Variants in TRAT1 observed in about 807,000 individuals in gnomAD.
TRAT1 encodes T cell receptor associated transmembrane adaptor 1.
TRAT1 carries 20 observed loss-of-function variants against 20.0 expected under a neutral mutation model. That is an observed-to-expected ratio of 1.00 (90% CI 0.70 to 1.45). The LOEUF (loss-of-function observed/expected upper bound fraction) is 1.45, where lower values mean the gene tolerates loss of function less well. Ranked by LOEUF, TRAT1 falls within the 40% of genes most tolerant of loss-of-function variation. TRAT1 has a pLI of 0.00. For missense variants in TRAT1, 237 were observed against 224.1 expected, an observed-to-expected ratio of 1.06 and a Z score of -0.37; for synonymous variants, 77 against 74.2, an observed-to-expected ratio of 1.04 and a Z score of -0.20.
intron 1 of TRAT1, among the ~76,000 whole-genome samples, chr3:108,830,106 A>G (rs1253337653): frequency 6.6e-6 from 1 of 152,090 alleles, no homozygotes; most frequent in African/African-American, 2.4e-5. Context: ...GGGAAAGAGA[A>G]GTGTAATTAA....
At chr3:108,842,867 A>G (rs1246287664) in intron 3 of TRAT1, among the ~76,000 whole-genome samples, 2 of 152,254 alleles carry the variant, frequency 1.3e-5, no homozygotes. Context: ...GCACGTGAAC[A>G]CTAATCAACA....
intron 3 of TRAT1, among the ~76,000 whole-genome samples, chr3:108,844,592 C>A (rs1164017796): frequency 6.6e-6 from 1 of 151,542 alleles, no homozygotes; most frequent in East Asian, 1.9e-4. Flanking sequence ...CGCCTATAAT[C>A]CCAGCACTTT....
chr3:108,849,840 T>C (rs963016542), intron 5 of TRAT1, among the ~76,000 whole-genome samples: 4 of 152,202 alleles, frequency 2.6e-5, no homozygotes, highest in African/African-American at 4.8e-5. Context: ...ATAGTTTCTC[T>C]TTTTCCTACC....
chr3:108,833,799 T>TACACACACAC (rs3054303), intron 2 of TRAT1, among the ~76,000 whole-genome samples: 5,496 of 146,688 alleles, frequency 0.037, 135 homozygotes, highest in Middle Eastern at 0.09. Flanking sequence ...TTGTAAGAAT[T>TACACACACAC]ACACACACAC....
Position 108,847,211 on chromosome 3 carries a change from A to G in TRAT1, c.214+82A>G, listed in dbSNP as rs1040149569. 2.5e-5 allele frequency: 20 copies of G among 801,502 alleles called. No homozygotes were observed. In the African/African-American group the frequency reaches 2.6e-4, roughly 10 times the overall value. The allele number at this position is 801,502 out of a possible 1,614,324, so 49.6% of individuals were successfully genotyped here. ...ATAATTTAAGTGGCGCTTTAAAAAA[A>G]TCAAATCACACTTAGCTATCCCAGT... On this transcript the variant is annotated intron_variant, in intron 4 of 5. Coordinates refer to ENST00000295756, the MANE Select transcript of TRAT1 (RefSeq NM_016388.4).
intron 1 of TRAT1, 38 bp from the exon 2 acceptor site, chr3:108,830,632 A>C: frequency 7.3e-7 from 1 of 1,360,770 alleles, no homozygotes; most frequent in South Asian, 1.2e-5. Flanking sequence ...ATGGGTAAGC[A>C]GCTGTTATAT....
At chr3:108,831,475 A>G (rs1298827038) in intron 2 of TRAT1, among the ~76,000 whole-genome samples, 1 of 151,864 alleles carries the variant, frequency 6.6e-6, no homozygotes, top group Non-Finnish European at 1.5e-5. Context: ...TGTTGAATCC[A>G]TTACATGTTG....
intron 2 of TRAT1, among the ~76,000 whole-genome samples, chr3:108,832,940 T>TATTC (rs967329437): frequency 2.0e-5 from 3 of 152,214 alleles, no homozygotes; most frequent in Admixed American, 2.0e-4. Context: ...GCCCCAGAAG[T>TATTC]ATTCAGCTGT....
chr3:108,850,306 C>CTTTT (rs35451422), intron 5 of TRAT1, among the ~76,000 whole-genome samples: 31 of 144,792 alleles, frequency 2.1e-4, no homozygotes, highest in Non-Finnish European at 2.7e-4. Flanking sequence ...AACTTTTAAA[C>CTTTT]TTTTTTTTTT....
intron 1 of TRAT1, among the ~76,000 whole-genome samples, chr3:108,827,374 GTATGTGTGT>G (rs1219784594): frequency 4.5e-5 from 5 of 110,874 alleles, no homozygotes; most frequent in African/African-American, 1.7e-4. Flanking sequence ...GAGGTATAAA[GTATGTGTGT>G]ATGTGTGTGT....
chr3:108,842,032 C>T (rs949186289), intron 3 of TRAT1, among the ~76,000 whole-genome samples: 1 of 152,162 alleles, frequency 6.6e-6, no homozygotes, highest in African/African-American at 2.4e-5. Flanking sequence ...TAAAAAGCTG[C>T]TGTTTTATTG....
At chr3:108,843,020 C>T (rs1945908554) in intron 3 of TRAT1, among the ~76,000 whole-genome samples, 2 of 152,214 alleles carry the variant, frequency 1.3e-5, no homozygotes, top group African/African-American at 4.8e-5. Context: ...TCAGGGTTCT[C>T]TATTTGGTGC....
At chr3:108,830,822 G>A (rs368002195) in intron 2 of TRAT1, 42 bp downstream of exon 2, 2 of 1,235,338 alleles carry the variant, frequency 1.6e-6, no homozygotes, top group Non-Finnish European at 2.4e-6. Flanking sequence ...CTGCTTGAAT[G>A]GAGACTATGG....
chr3:108,831,579 G>T (rs145458583), intron 2 of TRAT1, among the ~76,000 whole-genome samples: 4 of 143,018 alleles, frequency 2.8e-5, no homozygotes, highest in East Asian at 2.0e-4. Context: ...TTGCTCTGTC[G>T]CCCAGGCTGG....
chr3:108,834,044 C>T (rs965655014), intron 2 of TRAT1, among the ~76,000 whole-genome samples: 1 of 152,116 alleles, frequency 6.6e-6, no homozygotes, highest in Non-Finnish European at 1.5e-5. Context: ...CATCCCTATG[C>T]CCCTCTAAGT....
intron 1 of TRAT1, among the ~76,000 whole-genome samples, chr3:108,825,194 T>A (rs1227298207): frequency 3.9e-5 from 6 of 152,146 alleles, no homozygotes; most frequent in South Asian, 4.1e-4. Flanking sequence ...AATAATTATT[T>A]CTAGTTAAGT....
chr3:108,830,718 G>C lies in TRAT1; in HGVS notation c.56G>C (p.Gly19Ala). 6.2e-7 allele frequency: 1 copy of C among 1,613,940 alleles called. No homozygotes were observed. The highest frequency in any genetic ancestry group is 8.5e-7 in the Non-Finnish European group (1 of 1,179,900). ...FFLWGLLALLGLALVISLIFN... is the reference protein window; with the variant it reads ...FFLWGLLALLALALVISLIFN... ...CTCTGGGGACTTCTAGCATTGTTGGGCTTGGCTTTGGTTATATCACTGATC... is the reference window on the plus strand; with the variant it reads ...CTCTGGGGACTTCTAGCATTGTTGGCCTTGGCTTTGGTTATATCACTGATC... The change falls in exon 2 of 6, where the codon GGC becomes GCC. Residue 19 changes from glycine to alanine, a missense_variant. Gly to Ala is a moderately conservative substitution (Grantham distance 60, BLOSUM62 0). Transcript: ENST00000295756.
chr3:108,831,835 G>A (rs150987510), intron 2 of TRAT1, among the ~76,000 whole-genome samples: 1,731 of 152,122 alleles, frequency 0.011, 25 homozygotes, highest in African/African-American at 0.04. Flanking sequence ...GAGCAACCAC[G>A]CCCAGCCTGG....
chr3:108,852,242 G>A (rs571204824), intron 5 of TRAT1, among the ~76,000 whole-genome samples: 4 of 152,264 alleles, frequency 2.6e-5, no homozygotes, highest in African/African-American at 4.8e-5. Context: ...TTAGCCAGGC[G>A]TGGTGGTGGG....
Sources: allele counts gnomAD v4.1 joint callset (sites outside exome capture counted in the v4.1 genomes callset), GRCh38; gene constraint gnomAD v4.1.1; transcripts MANE v1.5; gene names NCBI Gene and HGNC (gene_info 2026-07-23, HGNC 2026-07-21).